UBAP2: variants seen among roughly 807,000 people sequenced by gnomAD.
UBAP2 encodes the protein ubiquitin associated protein 2.
UBAP2 carries 75 observed loss-of-function variants against 139.6 expected under a neutral mutation model. The observed-to-expected ratio is 0.54, with a 90% confidence interval of 0.45 to 0.65. The LOEUF (loss-of-function observed/expected upper bound fraction) is 0.65. UBAP2 is among the 30% of genes least tolerant of loss of function. The pLI is 0.00. For missense variants in UBAP2, 1,368 were observed against 1,369.6 expected (o/e 1.00, Z 0.02); for synonymous variants, 526 against 526.2 (o/e 1.00, Z 0.01).
rs1554682975 is a variant in UBAP2 at position 33,954,301 on chromosome 9, C to CACACACACACACACACACACAT, written c.867-828_867-827insATGTGTGTGTGTGTGTGTGTGT. On this transcript the variant is annotated intron_variant, in intron 11 of 28. Coordinates refer to ENST00000379238, the MANE Select transcript of UBAP2 (RefSeq NM_001370062.2). The stretch of plus-strand genomic sequence containing the variant: ...ACACACACACACACACACACACACA[C>CACACACACACACACACACACAT]GCCCATATAATTTTATCTTTAAAAT... Among the ~76,000 whole-genome samples the CACACACACACACACACACACAT allele has an allele frequency of 5.9e-4, 86 of 146,728 alleles. 1 individual carries two copies. Among genetic ancestry groups the CACACACACACACACACACACAT allele is most frequent in the African/African-American group, 9.7e-4 (38 of 39,368 alleles).
chr9:34,011,789 C>A (rs761018405), intron 2 of UBAP2: 4 of 329,136 alleles, frequency 1.2e-5, no homozygotes, highest in Non-Finnish European at 1.8e-5. Context: ...TGAAAAATAT[C>A]TTGCCAAGAA....
intron 17 of UBAP2, 36 bp downstream of exon 17, chr9:33,935,803 C>A: frequency 1.2e-6 from 2 of 1,613,690 alleles, no homozygotes; most frequent in Non-Finnish European, 1.7e-6. Flanking sequence ...TTGGTTGGCA[C>A]CAGCCATGAC....
chr9:34,017,862 G>A (rs577225691), intron 1 of UBAP2, among the ~76,000 whole-genome samples: 65 of 152,142 alleles, frequency 4.3e-4, no homozygotes, highest in African/African-American at 1.1e-3. Flanking sequence ...GGGAGGCAGA[G>A]GTTGCAGTCA....
chr9:33,931,503 C>T (rs533140908), intron 19 of UBAP2, among the ~76,000 whole-genome samples: 11 of 152,250 alleles, frequency 7.2e-5, no homozygotes, highest in African/African-American at 1.9e-4. Flanking sequence ...GACAGCTCCA[C>T]GGCACTCCTG....
intron 12 of UBAP2, chr9:33,948,948 C>T (rs1825866326): frequency 5.4e-6 from 1 of 186,850 alleles, no homozygotes; most frequent in South Asian, 1.1e-4. Context: ...AGGCGGATCA[C>T]GAGGTCAGCA....
At chr9:34,019,887 C>A (rs944138012) in intron 1 of UBAP2, among the ~76,000 whole-genome samples, 1 of 151,952 alleles carries the variant, frequency 6.6e-6, no homozygotes, top group South Asian at 2.1e-4. Context: ...TGCAGCCGGT[C>A]GCGGTGGCTC....
At chr9:33,966,952 A>C (rs1587579335) in intron 8 of UBAP2, among the ~76,000 whole-genome samples, 1 of 152,164 alleles carries the variant, frequency 6.6e-6, no homozygotes, top group Non-Finnish European at 1.5e-5. Context: ...GTGAATTAAT[A>C]AATTCAAAGA....
Position 33,996,350 on chromosome 9 carries a change from A to G in UBAP2, c.178-17T>C, listed in dbSNP as rs1319619391. Reference sequence around the variant, plus strand: ...TTCCATAAGCTAGTGAACATATCAGAAAATGGTTAGAGGCAAACAAAAAAC... The same window carrying G: ...TTCCATAAGCTAGTGAACATATCAGGAAATGGTTAGAGGCAAACAAAAAAC... On this transcript the variant is annotated splice_polypyrimidine_tract_variant and intron_variant, in intron 3 of 28. Coordinates refer to ENST00000379238, the MANE Select transcript of UBAP2 (RefSeq NM_001370062.2). 1 of 1,594,004 alleles carries G rather than the reference A, an allele frequency of 6.3e-7. No individual in the cohort carries two copies. The highest frequency in any genetic ancestry group is 1.7e-5 in the Admixed American group (1 of 59,780).
chr9:33,925,843 T>C (rs1442322322), intron 22 of UBAP2, among the ~76,000 whole-genome samples: 2 of 152,154 alleles, frequency 1.3e-5, no homozygotes, highest in African/African-American at 4.8e-5. Context: ...GCAGAGGTGG[T>C]GTCCAAACTG....
intron 6 of UBAP2, among the ~76,000 whole-genome samples, chr9:33,977,340 CA>C (rs1305230615): frequency 1.3e-5 from 2 of 151,900 alleles, no homozygotes; most frequent in East Asian, 3.9e-4. Flanking sequence ...CCCAGCCAAA[CA>C]AAAAATTTTT....
intron 2 of UBAP2, among the ~76,000 whole-genome samples, chr9:34,002,694 C>G (rs1822826172): frequency 6.6e-6 from 1 of 151,534 alleles, no homozygotes; most frequent in South Asian, 2.1e-4. Flanking sequence ...TTTTTTTAAG[C>G]TAGGGTTTCA....
intron 6 of UBAP2, 84 bp downstream of exon 6, chr9:33,986,676 C>G: frequency 9.2e-7 from 1 of 1,085,202 alleles, no homozygotes; most frequent in Non-Finnish European, 1.4e-6. Flanking sequence ...AACACACTGC[C>G]ATCCCTAGTC....
chr9:34,031,756 GC>G lies in UBAP2; in HGVS notation c.-41-14568del, dbSNP rs1825908579. On this transcript the variant is annotated intron_variant, in intron 1 of 28. Transcript: ENST00000379238. ...GCTGAGATCACACCACTGCACTCTG[GC>G]CTGGGCAACACAGCAAGACCCTGTC... Among the ~76,000 whole-genome samples the G allele has an allele frequency of 6.6e-5, 10 of 150,388 alleles. No homozygotes were observed. The South Asian group carries it at 2.1e-3, about 32-fold the overall frequency.
chr9:34,008,074 G>A (rs1823393408), intron 2 of UBAP2, among the ~76,000 whole-genome samples: 1 of 152,004 alleles, frequency 6.6e-6, no homozygotes, highest in South Asian at 2.1e-4. Flanking sequence ...GGCGAAGGTT[G>A]TAGTGAGCCG....
intron 1 of UBAP2, among the ~76,000 whole-genome samples, chr9:34,036,191 T>G (rs1475717925): frequency 6.6e-6 from 1 of 151,770 alleles, no homozygotes; most frequent in Non-Finnish European, 1.5e-5. Context: ...CTTGGCTCAC[T>G]GCAACCTCCG....
intron 4 of UBAP2, among the ~76,000 whole-genome samples, chr9:33,990,368 A>C (rs367672869): frequency 1.3e-5 from 2 of 152,220 alleles, no homozygotes; most frequent in African/African-American, 4.8e-5. Context: ...AATTATTTCC[A>C]TAACAGTGGA....
chr9:33,971,733 A>C lies in UBAP2; in HGVS notation c.597T>G (p.Tyr199Ter). 1 of 1,609,856 alleles carries C rather than the reference A, an allele frequency of 6.2e-7. No homozygotes were observed. The highest frequency in any genetic ancestry group is 8.5e-7 in the Non-Finnish European group (1 of 1,176,150). The change falls in exon 8 of 29, where the codon TAT becomes TAG. Residue 199 changes from tyrosine to a stop codon, truncating the protein, a stop_gained. Transcript: ENST00000379238. LOFTEE classifies it high-confidence loss of function. The part of the protein sequence containing the change: ...QGMGTFNPAD[Y>*]SDSTSTDVCG... ...ACACATCTGTAGATGTAGAATCTGAATAGTCTGCAGGATTAAATGTCCTGG... is the reference window on the plus strand; with the variant it reads ...ACACATCTGTAGATGTAGAATCTGACTAGTCTGCAGGATTAAATGTCCTGG...
rs1822974976 is a variant in UBAP2, at chr9:33,922,436, A to G, written c.*68T>C. The stretch of plus-strand genomic sequence containing the variant: ...TCTAGGAAAGGGCACTGGGCTCCCA[A>G]ATACGTGCTCGTGTGTTCTCTCCTG... On this transcript the variant is annotated 3_prime_UTR_variant, in exon 29 of 29. Transcript: ENST00000379238. The G allele has an allele frequency of 6.6e-7, 1 of 1,506,900 alleles. No homozygotes were observed. Among genetic ancestry groups the G allele is most frequent in the East Asian group, 2.4e-5 (1 of 41,880 alleles). The allele number at this position is 1,506,900 out of a possible 1,614,324, so 93.3% of individuals were successfully genotyped here.
In UBAP2 at chr9:33,971,592, T is replaced by A. The variant is rs1289758522; in HGVS notation, c.679+59A>T. ...TAGACTTCATCTTTGTATGAGAACA[T>A]ACAACTCTTAATAGCTCAAACATTT... On this transcript the variant is annotated intron_variant, in intron 8 of 28. Coordinates refer to ENST00000379238, the MANE Select transcript of UBAP2 (RefSeq NM_001370062.2). The A allele has an allele frequency of 5.1e-6, 5 of 989,716 alleles. No individual in the cohort carries two copies. The African/African-American group carries it at 7.9e-5, about 16-fold the overall frequency. The allele number at this position is 989,716 out of a possible 1,614,324, so 61.3% of individuals were successfully genotyped here.
Sources: gnomAD v4.1 joint callset for allele counts (sites outside exome capture counted in the v4.1 genomes callset) on GRCh38, gnomAD v4.1.1 for gene constraint, MANE v1.5 for transcripts, NCBI Gene and HGNC (gene_info 2026-07-23, HGNC 2026-07-21) for gene names.